The following WNK2 variants were observed in gnomAD, a reference collection of about 807,000 sequenced individuals.
WNK2 encodes the protein WNK lysine deficient protein kinase 2.
A neutral mutation model predicts 192.1 loss-of-function variants in WNK2; 67 were observed. The ratio of observed to expected loss-of-function variants is 0.35; its 90% CI spans 0.29 to 0.43. The LOEUF is 0.43. Among genes scored for constraint, WNK2 ranks in the 20% least tolerant of loss-of-function variants. WNK2 has a pLI of 1.00. For missense variants in WNK2, 2,698 were observed against 3,089.7 expected, an observed-to-expected ratio of 0.87 and a Z score of 3.01; for synonymous variants, 1,439 against 1,393.9, an observed-to-expected ratio of 1.03 and a Z score of -0.72.
intron 23 of WNK2, among the ~76,000 whole-genome samples, chr9:93,294,843 A>C (rs953478984): frequency 6.6e-6 from 1 of 151,920 alleles, no homozygotes; most frequent in Non-Finnish European, 1.5e-5. Context: ...TAAGAACAGG[A>C]AGTGGATGCT....
At position 93,195,699 on chromosome 9, in the gene WNK2, C is replaced by CAAAAAAAAAAAAAAAAA. The variant is rs59357990; in HGVS notation, c.681+10098_681+10114dup. Among the ~76,000 whole-genome samples, 74 of 41,654 alleles carry CAAAAAAAAAAAAAAAAA rather than the reference C, an allele frequency of 1.8e-3. 2 individuals are homozygous for CAAAAAAAAAAAAAAAAA. The highest frequency in any genetic ancestry group is 2.1e-3 in the Non-Finnish European group (54 of 25,800). 27.3% of individuals were successfully genotyped at this position (41,654 alleles called of 152,430 possible). A position where few individuals can be genotyped will look rare whatever the true frequency, so the allele number is the denominator to read the frequency against. On this transcript the variant is annotated intron_variant, in intron 2 of 29. Coordinates refer to ENST00000427277, the MANE Select transcript of WNK2 (RefSeq NM_006648.4). Reference sequence around the variant, plus strand: ...GGGCAACAGAGTAAAGACTTTGTCTCAAAAAAAAAAAAAAAAAAAAAAAAA... The same window carrying CAAAAAAAAAAAAAAAAA: ...GGGCAACAGAGTAAAGACTTTGTCTCAAAAAAAAAAAAAAAAAAAAAAAAAAAAAAAAAAAAAAAAAA...
intron 28 of WNK2, among the ~76,000 whole-genome samples, chr9:93,312,528 C>T (rs2134356293): frequency 6.6e-6 from 1 of 152,266 alleles, no homozygotes; most frequent in Non-Finnish European, 1.5e-5. Context: ...GCTTGCACCA[C>T]CATGCCCAGC....
At chr9:93,220,445 C>G (rs1037926911) in intron 2 of WNK2, among the ~76,000 whole-genome samples, 1 of 152,184 alleles carries the variant, frequency 6.6e-6, no homozygotes, top group African/African-American at 2.4e-5. Flanking sequence ...CAGCCGTGCA[C>G]TAACCCTGAG....
rs1442874073 is a variant in WNK2 at position 93,239,166 on chromosome 9, G to A, written c.1323-591G>A. On this transcript the variant is annotated intron_variant, in intron 6 of 29. Coordinates refer to ENST00000427277, the MANE Select transcript of WNK2 (RefSeq NM_006648.4). The surrounding 1 kb of genome is among the most constrained non-coding windows in gnomAD (Gnocchi z 4.2). ...GCAACACCCTGTGGCCCGCCCTCCC[G>A]GATCCCTGCAAAGAGCCTTCGAGGC... Among the ~76,000 whole-genome samples the A allele has an allele frequency of 2.0e-5, 3 of 152,196 alleles. No individual in the cohort carries two copies. Among genetic ancestry groups the A allele is most frequent in the South Asian group, 2.1e-4 (1 of 4,830 alleles).
At chr9:93,318,894 C>T in intron 29 of WNK2, 1 of 1,402,072 alleles carries the variant, frequency 7.1e-7, no homozygotes, top group Non-Finnish European at 9.2e-7. Flanking sequence ...GACTGCCCAG[C>T]TGTGAATTGT....
chr9:93,243,294 C>T (rs1272822765), intron 7 of WNK2, among the ~76,000 whole-genome samples: 2 of 152,186 alleles, frequency 1.3e-5, no homozygotes, highest in African/African-American at 2.4e-5. Flanking sequence ...GAGACTTGGC[C>T]TCCCTGCCCC....
chr9:93,301,753 A>G (rs1851652830), intron 26 of WNK2, among the ~76,000 whole-genome samples: 1 of 151,776 alleles, frequency 6.6e-6, no homozygotes, highest in Non-Finnish European at 1.5e-5. Flanking sequence ...CACCTGGGAG[A>G]CTCAGTGCAG....
intron 2 of WNK2, among the ~76,000 whole-genome samples, chr9:93,227,304 G>T (rs1047810871): frequency 3.3e-5 from 5 of 151,858 alleles, no homozygotes; most frequent in Admixed American, 3.3e-4. Flanking sequence ...TAGTAGAGAC[G>T]GGGTTTCACC....
intron 19 of WNK2, among the ~76,000 whole-genome samples, chr9:93,284,809 G>A (rs1363456363): frequency 1.3e-5 from 2 of 152,216 alleles, no homozygotes; most frequent in East Asian, 1.9e-4. Context: ...TCATGGTGGT[G>A]TCACAAACAC....
intron 23 of WNK2, among the ~76,000 whole-genome samples, chr9:93,295,260 C>T (rs904439631): frequency 2.0e-5 from 3 of 152,104 alleles, no homozygotes; most frequent in African/African-American, 7.2e-5. Flanking sequence ...GGATAAGCTC[C>T]AGCCTGGATA....
chr9:93,238,160 T>A, intron 5 of WNK2, 73 bp from the exon 6 acceptor site: 1 of 1,343,626 alleles, frequency 7.4e-7, no homozygotes, highest in Non-Finnish European at 1.1e-6. Context: ...GAGTGGGAGT[T>A]CCTCCCACTG....
At chr9:93,193,269 C>A (rs537051098) in intron 2 of WNK2, among the ~76,000 whole-genome samples, 1 of 152,146 alleles carries the variant, frequency 6.6e-6, no homozygotes, top group African/African-American at 2.4e-5. Flanking sequence ...TGGGAGGGCA[C>A]CTGTTTCTGC....
intron 2 of WNK2, among the ~76,000 whole-genome samples, chr9:93,216,866 A>G (rs567269577): frequency 3.3e-5 from 5 of 152,118 alleles, no homozygotes; most frequent in Admixed American, 6.6e-5. Context: ...CTAAAAAAAA[A>G]CCAGGTGGAA....
chr9:93,208,699 T>C (rs1833863230), intron 2 of WNK2, among the ~76,000 whole-genome samples: 1 of 2,638 alleles, frequency 3.8e-4, no homozygotes, highest in South Asian at 0.012. Context: ...GTTCTGTGTG[T>C]CTGCGTGTTC....
chr9:93,265,005 G>A (rs1420714607), intron 16 of WNK2, among the ~76,000 whole-genome samples: 1 of 152,214 alleles, frequency 6.6e-6, no homozygotes, highest in Admixed American at 6.5e-5. Flanking sequence ...CTTTGCAGGG[G>A]GAAGCCCCTG....
At position 93,256,553 on chromosome 9, in the gene WNK2, C is replaced by A; in HGVS notation, c.2190+99C>A. The A allele has an allele frequency of 3.0e-6, 4 of 1,341,530 alleles. No homozygotes were observed. In the South Asian group the frequency reaches 6.2e-5, roughly 21 times the overall value. The allele number at this position is 1,341,530 out of a possible 1,614,324, so 83.1% of individuals were successfully genotyped here. Reference sequence around the variant, plus strand: ...CTATGAGCACCTCCCACAGACCCTTCGCTCAAATTCTCTGTGGTTCCCCCA... The same window carrying A: ...CTATGAGCACCTCCCACAGACCCTTAGCTCAAATTCTCTGTGGTTCCCCCA... On this transcript the variant is annotated intron_variant, in intron 10 of 29. Coordinates refer to ENST00000427277, the MANE Select transcript of WNK2 (RefSeq NM_006648.4).
At chr9:93,315,629 C>G (rs1444394412) in intron 28 of WNK2, 1 of 152,230 alleles carries the variant, frequency 6.6e-6, no homozygotes, top group Admixed American at 6.5e-5. Context: ...TCTTTTCAAA[C>G]TGAAGTCTTC....
chr9:93,289,549 G>A lies in WNK2; in HGVS notation c.4795G>A (p.Gly1599Arg), dbSNP rs372738488. ...GGACCAGCCCCGCTCAGAGGTCTGC[G>A]GGGGGGACCTGGCCCTGCCCCCAGT... Reference protein sequence around the residue: ...RGDQPRSEVCGGDLALPPVPK... With the variant: ...RGDQPRSEVCRGDLALPPVPK... The change falls in exon 20 of 30, where the codon GGG becomes AGG. Residue 1599 changes from glycine to arginine, a missense_variant. Transcript: ENST00000427277. 5.8e-6 allele frequency: 9 copies of A among 1,564,956 alleles called. No homozygotes were observed. The highest frequency in any genetic ancestry group is 5.4e-5 in the African/African-American group (4 of 73,874).
Position 93,257,209 on chromosome 9 carries a change from A to T in WNK2, c.2382+70A>T. The T allele has an allele frequency of 6.7e-7, 1 of 1,499,168 alleles. No homozygotes were observed. Among genetic ancestry groups the T allele is most frequent in the Non-Finnish European group, 9.0e-7 (1 of 1,113,248 alleles). 92.9% of individuals were successfully genotyped at this position (1,499,168 alleles called of 1,614,324 possible). ...GCCAGGCCCTGGCTGGTGCACTAGG[A>T]CACCCACAGAGGGGGTTGTCTGTGC... On this transcript the variant is annotated intron_variant, in intron 11 of 29. Coordinates refer to ENST00000427277, the MANE Select transcript of WNK2 (RefSeq NM_006648.4). This position sits in a 1 kb window ranked among gnomAD's most constrained non-coding sequence, Gnocchi z 4.7.
Sources: gnomAD v4.1 joint callset for allele counts (sites outside exome capture counted in the v4.1 genomes callset) on GRCh38, gnomAD v4.1.1 for gene constraint, Gnocchi (gnomAD v3.1) non-coding constraint, MANE v1.5 for transcripts, NCBI Gene and HGNC (gene_info 2026-07-23, HGNC 2026-07-21) for gene names.